Variants in BTBD9 observed in about 807,000 individuals in gnomAD.
BTBD9 encodes the protein BTB/POZ domain-containing protein 9.
Under a neutral mutation model 64.3 loss-of-function variants are expected in BTBD9, and 49 were observed. The ratio of observed to expected loss-of-function variants is 0.76; its 90% CI spans 0.61 to 0.97. The LOEUF (loss-of-function observed/expected upper bound fraction) is 0.97. Among genes scored for constraint, BTBD9 ranks in the 50% least tolerant of loss-of-function variants. The pLI, the probability that BTBD9 is intolerant of heterozygous loss-of-function variation, is 0.00. For missense variants in BTBD9, 598 were observed against 762.1 expected (o/e 0.78, Z 2.53); for synonymous variants, 260 against 274.7 (o/e 0.95, Z 0.53).
At chr6:38,536,362 C>T (rs1156243139) in intron 6 of BTBD9, among the ~76,000 whole-genome samples, 1 of 152,066 alleles carries the variant, frequency 6.6e-6, no homozygotes, top group Non-Finnish European at 1.5e-5. Flanking sequence ...AGGGAACCCT[C>T]GTACACTGCT....
chr6:38,574,739 C>CA (rs2127470031), intron 6 of BTBD9, among the ~76,000 whole-genome samples: 1 of 152,262 alleles, frequency 6.6e-6, no homozygotes, highest in East Asian at 1.9e-4. Flanking sequence ...CAGAGAGGCA[C>CA]AATCGTATTA....
chr6:38,303,968 T>C (rs893969728), intron 7 of BTBD9, among the ~76,000 whole-genome samples: 3 of 147,406 alleles, frequency 2.0e-5, no homozygotes, highest in Non-Finnish European at 4.5e-5. Flanking sequence ...TATATATATG[T>C]GCTGGTGAAT....
intron 1 of BTBD9, among the ~76,000 whole-genome samples, chr6:38,635,158 T>C (rs1778487991): frequency 6.6e-6 from 1 of 151,944 alleles, no homozygotes; most frequent in Non-Finnish European, 1.5e-5. Flanking sequence ...TTTTTTGAGA[T>C]GGAGTCTCGC....
intron 2 of BTBD9, 86 bp from the exon 3 acceptor site, chr6:38,594,413 C>A (rs962179736): frequency 4.9e-6 from 7 of 1,420,948 alleles, no homozygotes; most frequent in South Asian, 3.1e-5. Context: ...CAACATTATG[C>A]AAATATAAAT....
Position 38,190,467 on chromosome 6 carries a change from T to TTA in BTBD9, c.1641+2051_1641+2052insTA, listed in dbSNP as rs1491291876. On this transcript the variant is annotated intron_variant, in intron 10 of 10. Coordinates refer to ENST00000481247, the MANE Select transcript of BTBD9 (RefSeq NM_001099272.2). Reference sequence around the variant, plus strand: ...TTGGGTGACAGAGTGAAACTCTGTCTAAAAAAAAAAAAAAAAAAAAAAAGA... The same window carrying TTA: ...TTGGGTGACAGAGTGAAACTCTGTCTTAAAAAAAAAAAAAAAAAAAAAAAAGA... Among the ~76,000 whole-genome samples the TTA allele has an allele frequency of 7.0e-3, 541 of 77,524 alleles. 7 individuals are homozygous for TTA. Among genetic ancestry groups the TTA allele is most frequent in the African/African-American group, 0.023 (502 of 21,446 alleles). The allele number at this position is 77,524 out of a possible 152,430, so 50.9% of individuals were successfully genotyped here.
chr6:38,206,039 C>T (rs1762638811), intron 9 of BTBD9, among the ~76,000 whole-genome samples: 1 of 151,872 alleles, frequency 6.6e-6, no homozygotes, highest in Non-Finnish European at 1.5e-5. Context: ...GTCCAGACTG[C>T]AGAGGGAAGG....
chr6:38,278,148 G>A (rs1761352856), intron 8 of BTBD9, among the ~76,000 whole-genome samples: 1 of 152,162 alleles, frequency 6.6e-6, no homozygotes, highest in Non-Finnish European at 1.5e-5. Flanking sequence ...CACAGACATG[G>A]TAGCTAAAAC....
intron 8 of BTBD9, among the ~76,000 whole-genome samples, chr6:38,258,922 AATG>A (rs764196226): frequency 6.6e-6 from 1 of 152,186 alleles, no homozygotes; most frequent in African/African-American, 2.4e-5. Flanking sequence ...AATCAATAAT[AATG>A]ATCATGATGG....
intron 6 of BTBD9, among the ~76,000 whole-genome samples, chr6:38,353,176 C>A (rs894778203): frequency 6.6e-6 from 1 of 152,174 alleles, no homozygotes; most frequent in Non-Finnish European, 1.5e-5. Flanking sequence ...AAACATAGTA[C>A]ACCTATTATA....
At chr6:38,229,705 C>A (rs1763530668) in intron 9 of BTBD9, among the ~76,000 whole-genome samples, 1 of 152,334 alleles carries the variant, frequency 6.6e-6, no homozygotes, top group Non-Finnish European at 1.5e-5. Flanking sequence ...AAACTTCTCT[C>A]AAGCTTGACT....
At chr6:38,565,523 A>G (rs1775453048) in intron 6 of BTBD9, among the ~76,000 whole-genome samples, 1 of 149,748 alleles carries the variant, frequency 6.7e-6, no homozygotes, top group Non-Finnish European at 1.5e-5. Context: ...CTCGACTTTC[A>G]TCTTTTCTAT....
At chr6:38,610,529 T>C (rs1413818731) in intron 1 of BTBD9, among the ~76,000 whole-genome samples, 1 of 152,084 alleles carries the variant, frequency 6.6e-6, no homozygotes, top group Non-Finnish European at 1.5e-5. Context: ...CAGAAACAAA[T>C]AAACACTGTG....
intron 6 of BTBD9, among the ~76,000 whole-genome samples, chr6:38,353,105 C>T (rs1228095159): frequency 7.2e-5 from 11 of 152,092 alleles, no homozygotes; most frequent in Non-Finnish European, 5.9e-5. Context: ...AAGAGTCAAA[C>T]GGGAAAGTAC....
chr6:38,587,464 G>T, intron 4 of BTBD9: 1 of 547,224 alleles, frequency 1.8e-6, no homozygotes. Flanking sequence ...AGTTTTCAGG[G>T]GAAAACTTCT....
intron 1 of BTBD9, among the ~76,000 whole-genome samples, chr6:38,635,635 G>GC (rs1411505126): frequency 6.6e-6 from 1 of 152,222 alleles, no homozygotes; most frequent in Admixed American, 6.5e-5. Flanking sequence ...GATCAGTTCA[G>GC]CCCCCTTCCC....
intron 6 of BTBD9, among the ~76,000 whole-genome samples, chr6:38,375,422 C>T (rs1278277363): frequency 1.3e-5 from 2 of 152,144 alleles, no homozygotes; most frequent in South Asian, 2.1e-4. Flanking sequence ...AAAGTCTGCA[C>T]CCTGAAGATG....
intron 6 of BTBD9, among the ~76,000 whole-genome samples, chr6:38,406,859 T>G (rs914401629): frequency 2.0e-5 from 3 of 152,210 alleles, no homozygotes; most frequent in Non-Finnish European, 4.4e-5. Context: ...TGCCTCAGCC[T>G]CCTGAGTAGC....
intron 8 of BTBD9, among the ~76,000 whole-genome samples, chr6:38,265,095 G>T (rs1271586903): frequency 5.3e-5 from 8 of 151,936 alleles, no homozygotes; most frequent in African/African-American, 1.9e-4. Flanking sequence ...AGAAACGATG[G>T]CACTGATTAA....
intron 7 of BTBD9, among the ~76,000 whole-genome samples, chr6:38,320,066 C>T (rs1198013493): frequency 6.6e-6 from 1 of 152,184 alleles, no homozygotes; most frequent in Non-Finnish European, 1.5e-5. Context: ...GCACTGAGTT[C>T]CAATGCAAAG....
Sources: allele counts gnomAD v4.1 joint callset (sites outside exome capture counted in the v4.1 genomes callset), GRCh38; gene constraint gnomAD v4.1.1; transcripts MANE v1.5; gene names NCBI Gene and HGNC (gene_info 2026-07-23, HGNC 2026-07-21).